USH2A: variants seen among roughly 807,000 people sequenced by gnomAD.
USH2A encodes the protein Usher syndrome 2A (autosomal recessive, mild).
A neutral mutation model predicts 538.9 loss-of-function variants in USH2A; 443 were observed. That is an observed-to-expected ratio of 0.82 (90% CI 0.76 to 0.89). USH2A has a LOEUF of 0.89. Ranked by LOEUF, USH2A falls within the 40% of genes least tolerant of loss-of-function variation. The pLI is 0.00. For missense variants in USH2A, 6,633 were observed against 6,324.8 expected (o/e 1.05, Z -1.65); for synonymous variants, 2,413 against 2,273.5 (o/e 1.06, Z -1.75).
chr1:215,659,958 A>C (rs896566344), intron 64 of USH2A, among the ~76,000 whole-genome samples: 1 of 152,218 alleles, frequency 6.6e-6, no homozygotes, highest in Non-Finnish European at 1.5e-5. Flanking sequence ...CATCTATCCC[A>C]CAGGACTATT....
chr1:215,720,651 T>C (rs1659629725), intron 61 of USH2A, among the ~76,000 whole-genome samples: 1 of 151,854 alleles, frequency 6.6e-6, no homozygotes, highest in African/African-American at 2.4e-5. Context: ...AAGGAATGAG[T>C]TTTGTCAACG....
intron 32 of USH2A, among the ~76,000 whole-genome samples, chr1:216,037,025 G>A (rs938108488): frequency 9.8e-4 from 149 of 152,190 alleles, no homozygotes; most frequent in African/African-American, 3.4e-3. Context: ...GATGATACCA[G>A]CCACTTAGTC....
At position 215,675,430 on chromosome 1, in the gene USH2A, G is replaced by C; in HGVS notation, c.12481C>G (p.Pro4161Ala). 6.2e-7 allele frequency: 1 copy of C among 1,614,016 alleles called. No homozygotes were observed. The highest frequency in any genetic ancestry group is 8.5e-7 in the Non-Finnish European group (1 of 1,179,910). ...GTGGACTTCACAGAGTGGACAGTAG[G>C]AGCCAGCTGAGAGTCTGGAGGGGCT... ...DEAPPDSQLA[P>A]TVHSVKSTSV... is the part of the protein sequence containing the mutation. The change falls in exon 63 of 72, where the codon CCT (proline) becomes GCT (alanine). Residue 4161 changes from proline (P) to alanine (A), a missense_variant. By Grantham distance (27) the Pro-to-Ala change is conservative. Transcript: ENST00000307340.
chr1:215,659,715 C>T (rs1218441990), intron 64 of USH2A, among the ~76,000 whole-genome samples: 1 of 151,968 alleles, frequency 6.6e-6, no homozygotes, highest in East Asian at 1.9e-4. Flanking sequence ...AAATTAATAG[C>T]TGAGGATCCA....
intron 32 of USH2A, among the ~76,000 whole-genome samples, chr1:216,021,031 G>A (rs556599029): frequency 4.6e-5 from 7 of 152,234 alleles, no homozygotes; most frequent in African/African-American, 1.4e-4. Flanking sequence ...GTAGTCTTGT[G>A]GGACTGGGCT....
chr1:215,850,259 CAG>C (rs1663981202), intron 44 of USH2A, among the ~76,000 whole-genome samples: 1 of 151,594 alleles, frequency 6.6e-6, no homozygotes, highest in Non-Finnish European at 1.5e-5. Flanking sequence ...CATGAAAAAA[CAG>C]AGAAAGACAT....
chr1:215,906,710 A>G (rs1261682338), intron 38 of USH2A, among the ~76,000 whole-genome samples: 1 of 152,056 alleles, frequency 6.6e-6, no homozygotes, highest in East Asian at 1.9e-4. Context: ...GGTATCACAC[A>G]CAGAACTACT....
intron 35 of USH2A, among the ~76,000 whole-genome samples, chr1:215,973,940 T>TCACACACACACACACACACACA (rs140368318): frequency 1.4e-5 from 2 of 146,400 alleles, no homozygotes; most frequent in African/African-American, 5.0e-5. Flanking sequence ...ATAGGTGAGA[T>TCACACACACACACACACACACA]CACACACACA....
intron 22 of USH2A, among the ~76,000 whole-genome samples, 163 bp from the exon 23 acceptor site, chr1:216,089,302 C>T (rs1271672356): frequency 6.6e-6 from 1 of 152,120 alleles, no homozygotes; most frequent in Non-Finnish European, 1.5e-5. Flanking sequence ...TGTCTAGCAT[C>T]ATTCTGGCTT....
intron 47 of USH2A, among the ~76,000 whole-genome samples, chr1:215,826,211 C>A (rs1240873418): frequency 6.6e-6 from 1 of 152,162 alleles, no homozygotes; most frequent in African/African-American, 2.4e-5. Context: ...TGGCCCAGGA[C>A]AGTGGCCTTC....
Position 215,634,633 on chromosome 1 carries a change from C to A in USH2A, c.15123G>T (p.Leu5041=). The A allele has an allele frequency of 6.2e-7, 1 of 1,614,262 alleles. No homozygotes were observed. The highest frequency in any genetic ancestry group is 8.5e-7 in the Non-Finnish European group (1 of 1,180,046). Residue 5041 remains leucine (L), a synonymous_variant, in exon 70 of 72, where the codon CTG becomes CTT. Coordinates refer to ENST00000307340, the MANE Select transcript of USH2A (RefSeq NM_206933.4). ...RSKSTEFYSE[L]WFIVLMAMLG... is the part of the protein sequence containing the mutation. ...GCATCGCCATTAACACTATGAACCA[C>A]AGCTCGCTGTAGAACTCTGTGCTTT... is the stretch of plus-strand genomic sequence containing the variant.
At chr1:215,949,087 C>G (rs1018258670) in intron 37 of USH2A, among the ~76,000 whole-genome samples, 2 of 151,952 alleles carry the variant, frequency 1.3e-5, no homozygotes, top group African/African-American at 2.4e-5. Flanking sequence ...GAGAAATTGC[C>G]AACTCAGAGA....
Position 215,674,670 on chromosome 1 carries a change from T to C in USH2A, c.13241A>G (p.Tyr4414Cys). 1 of 1,613,774 alleles carries C rather than the reference T, an allele frequency of 6.2e-7. No individual in the cohort carries two copies. Among genetic ancestry groups the C allele is most frequent in the African/African-American group, 1.3e-5 (1 of 74,920 alleles). The change falls in exon 63 of 72, where the codon TAC becomes TGC. Residue 4414 changes from tyrosine (Y) to cysteine (C), a missense_variant. Tyr to Cys is a radical substitution (Grantham distance 194). Coordinates refer to ENST00000307340, the MANE Select transcript of USH2A (RefSeq NM_206933.4). ...LCLLVSHLQPYSQYNFSLVAC... is the reference protein window; with the variant it reads ...LCLLVSHLQPCSQYNFSLVAC... ...TACAAGGGAGAAGTTATACTGAGAG[T>C]AAGGCTGCAGGTGGGAAACCAGCAG...
chr1:216,371,050 C>A (rs1405519231), intron 3 of USH2A, among the ~76,000 whole-genome samples: 2 of 152,184 alleles, frequency 1.3e-5, no homozygotes, highest in Admixed American at 1.3e-4. Context: ...CTAAACTGTG[C>A]TAGTATTCTG....
chr1:216,096,270 C>T (rs2032439428), intron 22 of USH2A, among the ~76,000 whole-genome samples: 1 of 152,146 alleles, frequency 6.6e-6, no homozygotes, highest in Non-Finnish European at 1.5e-5. Flanking sequence ...ACTGAATGTG[C>T]CATGTTCTCG....
intron 3 of USH2A, among the ~76,000 whole-genome samples, chr1:216,384,080 TA>T (rs1558064377): frequency 1.3e-5 from 2 of 151,866 alleles, no homozygotes; most frequent in East Asian, 3.9e-4. Flanking sequence ...TTTAACCAAT[TA>T]TTTTTTTCTG....
At chr1:215,786,237 T>G (rs1034684762) in intron 52 of USH2A, among the ~76,000 whole-genome samples, 6 of 152,178 alleles carry the variant, frequency 3.9e-5, no homozygotes, top group African/African-American at 1.4e-4. Context: ...ATGCTTGGGT[T>G]TACCTCATCC....
chr1:215,924,168 C>A (rs982352807), intron 38 of USH2A, among the ~76,000 whole-genome samples: 3 of 152,014 alleles, frequency 2.0e-5, no homozygotes, highest in African/African-American at 7.2e-5. Flanking sequence ...ATATTAGATA[C>A]CCTCATGTTT....
chr1:216,393,189 T>C (rs374251817), intron 3 of USH2A, among the ~76,000 whole-genome samples: 3 of 152,202 alleles, frequency 2.0e-5, no homozygotes, highest in East Asian at 3.9e-4. Flanking sequence ...TGATCTTCCA[T>C]GAAGCATACT....
Sources: allele counts gnomAD v4.1 joint callset (sites outside exome capture counted in the v4.1 genomes callset), GRCh38; gene constraint gnomAD v4.1.1; transcripts MANE v1.5; gene names NCBI Gene and HGNC (gene_info 2026-07-23, HGNC 2026-07-21).